HNRNPUL1: variants seen among roughly 807,000 people sequenced by gnomAD.
HNRNPUL1 encodes heterogeneous nuclear ribonucleoprotein U-like protein 1.
HNRNPUL1 carries 14 observed loss-of-function variants against 108.5 expected under a neutral mutation model. The ratio of observed to expected loss-of-function variants is 0.13; its 90% CI spans 0.09 to 0.20. HNRNPUL1 has a LOEUF of 0.20. HNRNPUL1 is among the 10% of genes least tolerant of loss of function. The probability of loss-of-function intolerance (pLI) is 1.00; values close to 1 mark genes in which losing one functional copy is unlikely to be tolerated. For synonymous variants in HNRNPUL1, 422 were observed against 445.2 expected (o/e 0.95, Z 0.66); for missense variants, 804 against 1,168.3 (o/e 0.69, Z 4.55).
At position 41,292,650 on chromosome 19, in the gene HNRNPUL1, TC is replaced by T; in HGVS notation, c.1266+140del. 9.3e-7 allele frequency: 1 copy of T among 1,079,274 alleles called. No individual in the cohort carries two copies. The allele number at this position is 1,079,274 out of a possible 1,614,324, so 66.9% of individuals were successfully genotyped here. On this transcript the variant is annotated intron_variant, in intron 8 of 14. Coordinates refer to ENST00000392006, the MANE Select transcript of HNRNPUL1 (RefSeq NM_007040.6). This position sits in a 1 kb window ranked among gnomAD's most constrained non-coding sequence, Gnocchi z 4.1. ...TTGTCCCAGCTCCTCAGGGTTGGACTCAGAGCTGAAAAGCTGCTCTGAGTGT... is the reference window on the plus strand; with the variant it reads ...TTGTCCCAGCTCCTCAGGGTTGGACTAGAGCTGAAAAGCTGCTCTGAGTGT...
At chr19:41,285,422 G>A (rs980686238) in intron 7 of HNRNPUL1, among the ~76,000 whole-genome samples, 2 of 151,978 alleles carry the variant, frequency 1.3e-5, no homozygotes, top group Admixed American at 6.6e-5. Context: ...ATGGGGTTTC[G>A]CCAAACTCCT....
chr19:41,265,155 T>G, intron 1 of HNRNPUL1: 1 of 1,403,838 alleles, frequency 7.1e-7, no homozygotes, highest in Non-Finnish European at 9.2e-7. Context: ...GTCTCGAAAA[T>G]GGGGATCCTA....
At chr19:41,265,157 G>T in intron 1 of HNRNPUL1, 1 of 1,421,094 alleles carries the variant, frequency 7.0e-7, no homozygotes, top group South Asian at 1.5e-5. Flanking sequence ...CTCGAAAATG[G>T]GGATCCTAGG....
intron 1 of HNRNPUL1, 57 bp from the exon 2 acceptor site, chr19:41,268,166 G>T: frequency 6.3e-7 from 1 of 1,593,170 alleles, no homozygotes; most frequent in Middle Eastern, 1.7e-4. Flanking sequence ...GGATGCTTTG[G>T]TCCAGGGTTC....
At position 41,303,961 on chromosome 19, in the gene HNRNPUL1, C is replaced by G; in HGVS notation, c.1973-11C>G. ...ATGATGGCGCCTTTCATCTGGATTT[C>G]TCCAACACAGGTTTCAACCGCAGCG... On this transcript the variant is annotated splice_polypyrimidine_tract_variant and intron_variant, in intron 12 of 14. Transcript: ENST00000392006. 6.2e-7 allele frequency: 1 copy of G among 1,601,242 alleles called. No individual in the cohort carries two copies. The highest frequency in any genetic ancestry group is 8.5e-7 in the Non-Finnish European group (1 of 1,170,968).
intron 10 of HNRNPUL1, among the ~76,000 whole-genome samples, chr19:41,301,187 T>C (rs932254998): frequency 6.6e-6 from 1 of 152,216 alleles, no homozygotes; most frequent in Non-Finnish European, 1.5e-5. Context: ...TCCTCTAAAC[T>C]TTATGCCTTA....
At chr19:41,302,530 T>C (rs1457107125) in intron 11 of HNRNPUL1, 135 bp from the exon 12 acceptor site, 11 of 1,165,546 alleles carry the variant, frequency 9.4e-6, no homozygotes. Context: ...TCTGTCTATG[T>C]CTTTCTTATT....
At chr19:41,267,480 C>A (rs1014930238) in intron 1 of HNRNPUL1, among the ~76,000 whole-genome samples, 8 of 152,164 alleles carry the variant, frequency 5.3e-5, no homozygotes, top group African/African-American at 1.9e-4. Context: ...TCCTTTGAGC[C>A]CCCTTCATGC....
chr19:41,296,228 C>T (rs1415773851), intron 10 of HNRNPUL1, among the ~76,000 whole-genome samples: 1 of 152,206 alleles, frequency 6.6e-6, no homozygotes, highest in Admixed American at 6.5e-5. Context: ...GATCGTCTAA[C>T]ATCTCTGTCC....
chr19:41,287,008 G>A (rs567542725), intron 7 of HNRNPUL1, among the ~76,000 whole-genome samples: 101 of 147,834 alleles, frequency 6.8e-4, no homozygotes, highest in Non-Finnish European at 1.1e-3. Flanking sequence ...GTGAGCCACC[G>A]CGCCCAGTCG....
chr19:41,301,511 G>A (rs1250165403), intron 10 of HNRNPUL1, 25 bp from the exon 11 acceptor site: 3 of 1,597,446 alleles, frequency 1.9e-6, no homozygotes, highest in African/African-American at 2.7e-5. Flanking sequence ...ACCATCTCTT[G>A]CCTCTTCTGT....
intron 7 of HNRNPUL1, chr19:41,286,592 G>A (rs2122725418): frequency 6.6e-6 from 1 of 152,016 alleles, no homozygotes; most frequent in African/African-American, 2.4e-5. Flanking sequence ...CGAACTTAGT[G>A]TGGACAGCCG....
At chr19:41,270,593 C>CTTTTTTTTT (rs71177707) in intron 2 of HNRNPUL1, among the ~76,000 whole-genome samples, 1 of 118,830 alleles carries the variant, frequency 8.4e-6, no homozygotes, top group African/African-American at 3.5e-5. Flanking sequence ...TCTCCCTTCC[C>CTTTTTTTTT]TTTTTTTTTT....
chr19:41,265,349 G>T (rs1192263332), intron 1 of HNRNPUL1: 1 of 1,513,022 alleles, frequency 6.6e-7, no homozygotes, highest in Admixed American at 2.0e-5. Context: ...TTTGGGTACG[G>T]GGGTGGGTGG....
Position 41,304,013 on chromosome 19 carries a change from TGGGGTAACAACAACC to T in HNRNPUL1, c.2018_2032del (p.Gly673_Arg677del), listed in dbSNP as rs1177027551. On this transcript the variant is annotated inframe_deletion, in exon 13 of 15. Coordinates refer to ENST00000392006, the MANE Select transcript of HNRNPUL1 (RefSeq NM_007040.6). ...AGGTGGTGGCTATAGCCAGAACCGC[TGGGGTAACAACAACC>T]GGGATAACAACAACTCCAACAACAG... The T allele has an allele frequency of 1.9e-6, 3 of 1,614,012 alleles. No individual in the cohort carries two copies. In the Admixed American group the frequency reaches 5.0e-5, roughly 27 times the overall value.
chr19:41,279,205 AG>A (rs764258898), intron 6 of HNRNPUL1, 29 bp downstream of exon 6: 93 of 1,454,536 alleles, frequency 6.4e-5, no homozygotes, highest in Non-Finnish European at 8.4e-5. Context: ...TGCAGTCCAG[AG>A]AATAGAGTGA....
At chr19:41,281,112 C>T (rs1199429693) in intron 6 of HNRNPUL1, 51 bp from the exon 7 acceptor site, 1 of 1,123,600 alleles carries the variant, frequency 8.9e-7, no homozygotes, top group Non-Finnish European at 1.4e-6. Flanking sequence ...GCCATTGAGG[C>T]TGTTATGACC....
chr19:41,269,276 G>A (rs1329852712), intron 2 of HNRNPUL1, among the ~76,000 whole-genome samples: 3 of 151,930 alleles, frequency 2.0e-5, no homozygotes, highest in Non-Finnish European at 4.4e-5. Context: ...GACCAGACTG[G>A]GCAACATAGT....
chr19:41,291,994 CAAAAA>C (rs397965810), intron 7 of HNRNPUL1: 20 of 248,424 alleles, frequency 8.1e-5, no homozygotes, highest in Non-Finnish European at 1.1e-4. Flanking sequence ...AAAAAAAAAA[CAAAAA>C]AAAAAAACTC....
Sources: allele counts gnomAD v4.1 joint callset (sites outside exome capture counted in the v4.1 genomes callset), GRCh38; gene constraint gnomAD v4.1.1; non-coding constraint Gnocchi (gnomAD v3.1); transcripts MANE v1.5; gene names NCBI Gene and HGNC (gene_info 2026-07-23, HGNC 2026-07-21).